The following WDR53 variants were observed in gnomAD, a reference collection of about 807,000 sequenced individuals.
The protein encoded by WDR53 is WD repeat-containing protein 53.
A neutral mutation model predicts 21.3 loss-of-function variants in WDR53; 19 were observed. The observed-to-expected ratio is 0.89, with a 90% confidence interval of 0.62 to 1.31. The LOEUF is 1.31. Among genes scored for constraint, WDR53 ranks in the 50% most tolerant of loss-of-function variants. The pLI is 0.00. For missense variants in WDR53, 374 were observed against 423.2 expected (o/e 0.88, Z 1.02); for synonymous variants, 157 against 163.4 (o/e 0.96, Z 0.30).
rs913429581 is a variant in WDR53 at position 196,567,260 on chromosome 3, G to C, written c.-400C>G. The C allele has an allele frequency of 8.8e-5, 40 of 456,752 alleles. No individual in the cohort carries two copies. The highest frequency in any genetic ancestry group is 1.2e-4 in the South Asian group (8 of 64,568). 28.3% of individuals were successfully genotyped at this position (456,752 alleles called of 1,614,324 possible). On this transcript the variant is annotated 5_prime_UTR_variant, in exon 2 of 4. Coordinates refer to ENST00000332629, the MANE Select transcript of WDR53 (RefSeq NM_182627.3). Reference sequence around the variant, plus strand: ...GGTTTCTGAAGTTGGACTTGATGTGGAGAAGCTGGATAGCAACCAAAATGA... The same window carrying C: ...GGTTTCTGAAGTTGGACTTGATGTGCAGAAGCTGGATAGCAACCAAAATGA...
In WDR53 at chr3:196,554,465, C is replaced by T. The variant is rs763221744; in HGVS notation, c.823G>A (p.Glu275Lys). 24 of 1,613,914 alleles carry T rather than the reference C, an allele frequency of 1.5e-5. No individual in the cohort carries two copies. In the Admixed American group the frequency reaches 3.8e-4, roughly 26 times the overall value. Residue 275 changes from glutamate (E) to lysine (K), a missense_variant, in exon 4 of 4, where the codon GAG becomes AAG. Glu to Lys is a moderately conservative substitution (Grantham distance 56). Transcript: ENST00000332629. ...ITLWDANSEV[E>K]KKQKSPTKRT... ...TTTGTGGGACTCTTCTGTTTTTTCT[C>T]AACTTCACTGTTTGCATCCCACAAC... is the stretch of plus-strand genomic sequence containing the variant.
intron 3 of WDR53, among the ~76,000 whole-genome samples, chr3:196,556,181 G>A (rs982418218): frequency 1.3e-5 from 2 of 151,934 alleles, no homozygotes; most frequent in Non-Finnish European, 2.9e-5. Flanking sequence ...AAGTAGATGG[G>A]ACTACAGGCG....
rs758968215 is a variant in WDR53, at chr3:196,554,361, C to G, written c.927G>C (p.Glu309Asp). Reference protein sequence around the residue: ...GGNTNASVTDEEEHGNILPKL... With the variant: ...GGNTNASVTDDEEHGNILPKL... Reference sequence around the variant, plus strand: ...TTGGTAAAATGTTGCCATGTTCTTCCTCATCTGTTACTGAAGCGTTAGTAT... The same window carrying G: ...TTGGTAAAATGTTGCCATGTTCTTCGTCATCTGTTACTGAAGCGTTAGTAT... Residue 309 changes from glutamate to aspartate, a missense_variant, in exon 4 of 4, where the codon GAG (glutamate) becomes GAC (aspartate). By Grantham distance (45) the Glu-to-Asp change is conservative. Coordinates refer to ENST00000332629, the MANE Select transcript of WDR53 (RefSeq NM_182627.3). The G allele has an allele frequency of 6.2e-7, 1 of 1,614,122 alleles. No homozygotes were observed. Among genetic ancestry groups the G allele is most frequent in the Admixed American group, 1.7e-5 (1 of 60,004 alleles).
chr3:196,564,395 C>CTT (rs1553872894), intron 2 of WDR53, among the ~76,000 whole-genome samples: 1 of 135,910 alleles, frequency 7.4e-6, no homozygotes. Context: ...TTTCTTTTTT[C>CTT]TTTTTTTTTT....
chr3:196,558,902 T>C (rs1310830042), intron 3 of WDR53, among the ~76,000 whole-genome samples: 2 of 152,256 alleles, frequency 1.3e-5, no homozygotes, highest in Non-Finnish European at 2.9e-5. Context: ...TTAGCAATTT[T>C]ACCAGGCAAA....
Position 196,554,313 on chromosome 3 carries a change from T to C in WDR53, c.975A>G (p.Glu325=), listed in dbSNP as rs748373032. The C allele has an allele frequency of 8.1e-6, 13 of 1,614,100 alleles. No homozygotes were observed. Among genetic ancestry groups the C allele is most frequent in the Non-Finnish European group, 8.5e-7 (1 of 1,180,020 alleles). The stretch of plus-strand genomic sequence containing the variant: ...TTGTACCCAAGAGCCAGTTCACTTT[T>C]TCTCCATGTTCAATATTTAGCTTTG... ...ILPKLNIEHG[E]KVNWLLGTKI... Residue 325 remains glutamate, a synonymous_variant, in exon 4 of 4, where the codon GAA becomes GAG. Coordinates refer to ENST00000332629, the MANE Select transcript of WDR53 (RefSeq NM_182627.3).
In WDR53 at chr3:196,554,609, T is replaced by A; in HGVS notation, c.679A>T (p.Met227Leu). The change falls in exon 4 of 4, where the codon ATG becomes TTG. Residue 227 changes from methionine to leucine, a missense_variant. Transcript: ENST00000332629. ...EDGKVRIFRV[M>L]GVKCEQELGF... is the part of the protein sequence containing the mutation. ...AGTTCCTGTTCACACTTAACTCCCATCACCCGAAAGATTCGAACCTTACCA... is the reference window on the plus strand; with the variant it reads ...AGTTCCTGTTCACACTTAACTCCCAACACCCGAAAGATTCGAACCTTACCA... 1 of 1,614,124 alleles carries A rather than the reference T, an allele frequency of 6.2e-7. No homozygotes were observed. The highest frequency in any genetic ancestry group is 8.5e-7 in the Non-Finnish European group (1 of 1,180,014).
intron 3 of WDR53, among the ~76,000 whole-genome samples, chr3:196,560,374 T>A (rs1313870887): frequency 6.6e-6 from 1 of 152,024 alleles, no homozygotes; most frequent in East Asian, 1.9e-4. Context: ...CCCAAGTAGC[T>A]GGGATTGCAG....
In WDR53 at chr3:196,564,709, T is replaced by C. The variant is rs150834675; in HGVS notation, c.-17+2168A>G. Among the ~76,000 whole-genome samples, 1,015 of 152,272 alleles carry C rather than the reference T, an allele frequency of 6.7e-3. 9 individuals carry two copies. Among genetic ancestry groups the C allele is most frequent in the African/African-American group, 0.022 (931 of 41,552 alleles). On this transcript the variant is annotated intron_variant, in intron 2 of 3. Transcript: ENST00000332629. ...TGTCGATCACTTTTTTGCCAAGTTA[T>C]AGTTTTAATTTTGCTATGATGAATC...
At chr3:196,567,680 G>A (rs182393903) in intron 1 of WDR53, among the ~76,000 whole-genome samples, 1 of 152,166 alleles carries the variant, frequency 6.6e-6, no homozygotes, top group African/African-American at 2.4e-5. Flanking sequence ...TACTAAGCAT[G>A]CTTTAAAGGC....
intron 2 of WDR53, among the ~76,000 whole-genome samples, chr3:196,563,314 G>A (rs966746653): frequency 3.3e-5 from 5 of 152,100 alleles, no homozygotes; most frequent in East Asian, 1.9e-4. Context: ...TGCCGTGCCC[G>A]CCTGCTGGTC....
chr3:196,567,671 A>G (rs1001940338), intron 1 of WDR53, among the ~76,000 whole-genome samples: 3 of 152,042 alleles, frequency 2.0e-5, no homozygotes, highest in African/African-American at 7.2e-5. Flanking sequence ...TTATTCTCTT[A>G]CTAAGCATGC....
intron 3 of WDR53, among the ~76,000 whole-genome samples, chr3:196,558,755 G>C (rs1043027830): frequency 1.2e-4 from 18 of 152,314 alleles, no homozygotes; most frequent in African/African-American, 4.1e-4. Context: ...GATAATACTG[G>C]ATCAACAGGT....
rs1577571959 is a variant in WDR53 at position 196,561,395 on chromosome 3, T to C, written c.81A>G (p.Gly27=). 1 of 1,613,884 alleles carries C rather than the reference T, an allele frequency of 6.2e-7. No individual in the cohort carries two copies. The highest frequency in any genetic ancestry group is 8.5e-7 in the Non-Finnish European group (1 of 1,179,964). The change falls in exon 3 of 4, where the codon GGA becomes GGG. Residue 27 remains glycine (G), a synonymous_variant. Transcript: ENST00000332629. ...AAGCCGTGAGATCTCCGCCCTCTGC[T>C]CCAGAAGCCAGCAGCCCTTCTTTAC... ...NASKEGLLAS[G]AEGGDLTAWG...
chr3:196,560,045 G>A (rs1734677611), intron 3 of WDR53, among the ~76,000 whole-genome samples: 1 of 152,130 alleles, frequency 6.6e-6, no homozygotes, highest in Non-Finnish European at 1.5e-5. Flanking sequence ...GAACGTTCAA[G>A]CTATTTGAAA....
At position 196,561,020 on chromosome 3, in the gene WDR53, C is replaced by T. The variant is rs766233633; in HGVS notation, c.456G>A (p.Leu152=). 2 of 1,613,964 alleles carry T rather than the reference C, an allele frequency of 1.2e-6. No individual in the cohort carries two copies. Among genetic ancestry groups the T allele is most frequent in the Admixed American group, 3.3e-5 (2 of 59,968 alleles). The stretch of plus-strand genomic sequence containing the variant: ...CCTGCATATCCAGTCCACATGACAC[C>T]AGGCTCTGAGGCCTCTGAGGCCGAA... ...VAFRPQRPQS[L]VSCGLDMQVM... Residue 152 remains leucine, a synonymous_variant, in exon 3 of 4, where the codon CTG becomes CTA. Transcript: ENST00000332629.
chr3:196,561,074 T>G lies in WDR53; in HGVS notation c.402A>C (p.Arg134Ser), dbSNP rs1347162082. ...CCACTGAGGAGCAGATATTGGAATG[T>G]CTCTTCAAGGATCTGATAACTTTCT... Reference protein sequence around the residue: ...ENKKVIRSLKRHSNICSSVAF... With the variant: ...ENKKVIRSLKSHSNICSSVAF... Residue 134 changes from arginine to serine, a missense_variant, in exon 3 of 4, where the codon AGA becomes AGC. By Grantham distance (110) the Arg-to-Ser change is moderately radical. Transcript: ENST00000332629. 1 of 1,614,244 alleles carries G rather than the reference T, an allele frequency of 6.2e-7. No homozygotes were observed.
At chr3:196,568,085 G>A (rs532290724) in intron 1 of WDR53, among the ~76,000 whole-genome samples, 21 of 152,194 alleles carry the variant, frequency 1.4e-4, no homozygotes, top group Non-Finnish European at 2.6e-4. Context: ...TTACTAAGCG[G>A]TGGATCCAGT....
intron 3 of WDR53, among the ~76,000 whole-genome samples, chr3:196,558,277 C>T (rs1297341198): frequency 6.6e-6 from 1 of 152,138 alleles, no homozygotes; most frequent in Non-Finnish European, 1.5e-5. Context: ...GAGATCATGG[C>T]TCACTACAAC....
Sources: gnomAD v4.1 joint callset for allele counts (sites outside exome capture counted in the v4.1 genomes callset) on GRCh38, gnomAD v4.1.1 for gene constraint, MANE v1.5 for transcripts, NCBI Gene and HGNC (gene_info 2026-07-23, HGNC 2026-07-21) for gene names.